The following TMEM117 variants were observed in gnomAD, a reference collection of about 807,000 sequenced individuals.
The protein encoded by TMEM117 is transmembrane protein 117.
A neutral mutation model predicts 52.4 loss-of-function variants in TMEM117; 27 were observed. The observed-to-expected ratio is 0.51, with a 90% CI of 0.38 to 0.71. The LOEUF (loss-of-function observed/expected upper bound fraction) is 0.71. TMEM117 is among the 30% of genes least tolerant of loss of function. TMEM117 has a pLI of 0.00. For missense variants in TMEM117, 556 were observed against 630.5 expected (o/e 0.88, Z 1.26); for synonymous variants, 215 against 206.3 (o/e 1.04, Z -0.36).
chr12:43,857,925 C>T (rs1025221745), intron 2 of TMEM117, among the ~76,000 whole-genome samples: 1 of 152,116 alleles, frequency 6.6e-6, no homozygotes, highest in Admixed American at 6.6e-5. Context: ...GGCGAATGTG[C>T]TGATATGGTA....
intron 3 of TMEM117, among the ~76,000 whole-genome samples, chr12:44,029,496 C>G (rs1592454886): frequency 6.6e-6 from 1 of 152,244 alleles, no homozygotes; most frequent in African/African-American, 2.4e-5. Context: ...GGAAAAGAGT[C>G]CTTCACTACT....
chr12:43,960,093 T>C (rs1285902707), intron 3 of TMEM117, among the ~76,000 whole-genome samples: 1 of 152,204 alleles, frequency 6.6e-6, no homozygotes, highest in East Asian at 1.9e-4. Flanking sequence ...AGTGGTGCTT[T>C]AGATAATTTG....
chr12:43,843,813 A>G (rs1028184550), intron 1 of TMEM117, among the ~76,000 whole-genome samples: 1 of 152,224 alleles, frequency 6.6e-6, no homozygotes, highest in Admixed American at 6.5e-5. Flanking sequence ...ATTTCATAGA[A>G]CTTACTCTCT....
At chr12:44,356,884 T>C (rs1046302130) in intron 6 of TMEM117, among the ~76,000 whole-genome samples, 15 of 152,156 alleles carry the variant, frequency 9.9e-5, no homozygotes, top group African/African-American at 3.4e-4. Flanking sequence ...TTCGTTGTTA[T>C]AGTCATCTTC....
chr12:44,049,953 A>G (rs1212832957), intron 3 of TMEM117, among the ~76,000 whole-genome samples: 1 of 152,204 alleles, frequency 6.6e-6, no homozygotes, highest in East Asian at 1.9e-4. Flanking sequence ...TATTTGACAA[A>G]TTTTACAGAA....
chr12:44,146,627 GA>G (rs2058841413), intron 4 of TMEM117, among the ~76,000 whole-genome samples: 1 of 152,184 alleles, frequency 6.6e-6, no homozygotes, highest in Non-Finnish European at 1.5e-5. Context: ...TCTATTCACT[GA>G]TTGGGCAGTG....
Position 43,908,029 on chromosome 12 carries a change from C to G in TMEM117, c.278-36181C>G, listed in dbSNP as rs561146085. On this transcript the variant is annotated intron_variant, in intron 2 of 7. Coordinates refer to ENST00000266534, the MANE Select transcript of TMEM117 (RefSeq NM_032256.3). ...AGATACTTCTTCAAAAGAGCAACACCAAGACACATAATTGTCAGATTCACC... is the reference window on the plus strand; with the variant it reads ...AGATACTTCTTCAAAAGAGCAACACGAAGACACATAATTGTCAGATTCACC... Among the ~76,000 whole-genome samples the G allele has an allele frequency of 2.2e-4, 14 of 62,720 alleles. 7 individuals carry two copies. The highest frequency in any genetic ancestry group is 4.3e-4 in the African/African-American group (14 of 32,470). The allele number at this position is 62,720 out of a possible 152,430, so 41.1% of individuals were successfully genotyped here.
At chr12:44,179,384 A>G (rs1949159168) in intron 4 of TMEM117, among the ~76,000 whole-genome samples, 1 of 152,218 alleles carries the variant, frequency 6.6e-6, no homozygotes, top group Non-Finnish European at 1.5e-5. Flanking sequence ...AGGGAAGCTG[A>G]CAATGCAAGC....
intron 3 of TMEM117, among the ~76,000 whole-genome samples, chr12:44,050,688 A>G (rs929151002): frequency 6.6e-6 from 1 of 152,222 alleles, no homozygotes; most frequent in Non-Finnish European, 1.5e-5. Context: ...ACATGATCTT[A>G]AGGAACTTTC....
rs1440613329 is a variant in TMEM117, at chr12:44,268,177, G to T, written c.609-31403G>T. 2.0e-5 allele frequency among the ~76,000 whole-genome samples: 3 copies of T among 149,632 alleles called. No individual in the cohort carries two copies. In the East Asian group the frequency reaches 5.9e-4, roughly 29 times the overall value. On this transcript the variant is annotated intron_variant, in intron 5 of 7. Coordinates refer to ENST00000266534, the MANE Select transcript of TMEM117 (RefSeq NM_032256.3). ...TTTTGAGACAGAGTCTTGCTCTGTT[G>T]CCCAGCTTGGAGTGCAATGACGTGA... is the stretch of plus-strand genomic sequence containing the variant.
intron 3 of TMEM117, among the ~76,000 whole-genome samples, chr12:44,131,889 AT>A (rs1948419251): frequency 6.6e-6 from 1 of 152,090 alleles, no homozygotes; most frequent in Non-Finnish European, 1.5e-5. Context: ...GGTCTGAAAA[AT>A]ATCTTTATTC....
At chr12:44,101,747 C>T (rs966933743) in intron 3 of TMEM117, among the ~76,000 whole-genome samples, 27 of 152,054 alleles carry the variant, frequency 1.8e-4, no homozygotes, top group African/African-American at 6.3e-4. Context: ...TTCCACTCTC[C>T]TCCGTACACC....
At chr12:44,117,814 C>T (rs906571714) in intron 3 of TMEM117, among the ~76,000 whole-genome samples, 9 of 151,982 alleles carry the variant, frequency 5.9e-5, no homozygotes, top group African/African-American at 2.2e-4. Flanking sequence ...ATTTGACTCT[C>T]CTTTAAGTAC....
chr12:43,845,621 C>T (rs1174056400), intron 2 of TMEM117, among the ~76,000 whole-genome samples: 1 of 151,884 alleles, frequency 6.6e-6, no homozygotes, highest in Non-Finnish European at 1.5e-5. Flanking sequence ...TATACATGTG[C>T]CATGTTGGTT....
At chr12:44,160,304 T>C (rs561891734) in intron 4 of TMEM117, among the ~76,000 whole-genome samples, 9 of 152,126 alleles carry the variant, frequency 5.9e-5, no homozygotes, top group African/African-American at 2.2e-4. Flanking sequence ...CACACACACA[T>C]ATAACTCACA....
intron 4 of TMEM117, among the ~76,000 whole-genome samples, chr12:44,148,966 C>G (rs1420261249): frequency 2.6e-5 from 4 of 152,128 alleles, no homozygotes; most frequent in African/African-American, 9.7e-5. Context: ...CCCTGCTTTG[C>G]TCCTCTCCCT....
At chr12:43,795,818 C>A in the TMEM117 span, 1 of 1,546,686 alleles carries the variant, frequency 6.5e-7, no homozygotes, top group South Asian at 1.1e-5. Flanking sequence ...AGCTGGTTTT[C>A]AGGTATATGA....
At chr12:43,797,841 T>C in the TMEM117 span, 5 of 1,608,606 alleles carry the variant, frequency 3.1e-6, no homozygotes, top group African/African-American at 1.3e-5. Flanking sequence ...TACCTAAGTA[T>C]GACAGATTTA....
At chr12:44,136,379 A>T (rs1184172773) in intron 3 of TMEM117, among the ~76,000 whole-genome samples, 1 of 152,178 alleles carries the variant, frequency 6.6e-6, no homozygotes, top group Non-Finnish European at 1.5e-5. Context: ...TGGGAAGTTG[A>T]TAAAAGAAAA....
Sources: allele counts gnomAD v4.1 joint callset (sites outside exome capture counted in the v4.1 genomes callset), GRCh38; gene constraint gnomAD v4.1.1; transcripts MANE v1.5; gene names NCBI Gene and HGNC (gene_info 2026-07-23, HGNC 2026-07-21).